The following WDR70 variants were observed in gnomAD, a reference collection of about 807,000 sequenced individuals.
The protein encoded by WDR70 is WD repeat domain 70.
A neutral mutation model predicts 88.6 loss-of-function variants in WDR70; 53 were observed. That is an observed-to-expected ratio of 0.60 (90% CI 0.48 to 0.75). WDR70 has a LOEUF of 0.75. Among genes scored for constraint, WDR70 ranks in the 30% least tolerant of loss-of-function variants. The probability of loss-of-function intolerance (pLI) is 0.00; values close to 1 mark genes in which losing one functional copy is unlikely to be tolerated. For synonymous variants in WDR70, 280 were observed against 270.0 expected, an observed-to-expected ratio of 1.04 and a Z score of -0.36; for missense variants, 610 against 823.2, an observed-to-expected ratio of 0.74 and a Z score of 3.17.
At chr5:37,418,010 A>C (rs1749815924) in intron 5 of WDR70, among the ~76,000 whole-genome samples, 1 of 152,220 alleles carries the variant, frequency 6.6e-6, no homozygotes, top group Non-Finnish European at 1.5e-5. Context: ...AAGCATTGTA[A>C]AGTGAGGAAC....
chr5:37,574,443 T>C (rs976539897), intron 9 of WDR70, among the ~76,000 whole-genome samples: 1 of 152,216 alleles, frequency 6.6e-6, no homozygotes, highest in African/African-American at 2.4e-5. Flanking sequence ...TAGTCATCAC[T>C]TCTTCTCAGT....
chr5:37,629,428 C>T (rs905263475), intron 10 of WDR70, among the ~76,000 whole-genome samples: 2 of 152,160 alleles, frequency 1.3e-5, no homozygotes, highest in African/African-American at 4.8e-5. Flanking sequence ...TATTTGCTTG[C>T]TTAATGATAT....
chr5:37,399,963 C>T (rs1161678494), intron 5 of WDR70, among the ~76,000 whole-genome samples: 1 of 152,088 alleles, frequency 6.6e-6, no homozygotes, highest in African/African-American at 2.4e-5. Flanking sequence ...GATGGAGTCT[C>T]ACTCTGTTGC....
At chr5:37,678,821 G>T (rs2112611599) in intron 10 of WDR70, among the ~76,000 whole-genome samples, 1 of 152,368 alleles carries the variant, frequency 6.6e-6, no homozygotes, top group South Asian at 2.1e-4. Flanking sequence ...ATATCCTGCA[G>T]AGTGTTTTCC....
chr5:37,565,848 T>C (rs960452701), intron 9 of WDR70, among the ~76,000 whole-genome samples: 6 of 152,118 alleles, frequency 3.9e-5, no homozygotes, highest in African/African-American at 1.4e-4. Flanking sequence ...AGTTTATAAA[T>C]AGAAGATTTG....
In WDR70 at chr5:37,443,793, A is replaced by G. The variant is rs368204101; in HGVS notation, c.686+421A>G. On this transcript the variant is annotated intron_variant, in intron 7 of 17. Coordinates refer to ENST00000265107, the MANE Select transcript of WDR70 (RefSeq NM_018034.4). ...CTCTAGCCTGAGGGGTGGAGGTTGC[A>G]GTGAGCTGAGATTGTGCCACTGCAC... Among the ~76,000 whole-genome samples the G allele has an allele frequency of 2.0e-4, 31 of 152,196 alleles. No homozygotes were observed. The East Asian group carries it at 3.9e-3, about 19-fold the overall frequency.
rs558407062 is a variant in WDR70 at position 37,724,697 on chromosome 5, T to G, written c.1598-237T>G. ...GGGAGATGGGGAGCCTCACCGATGT[T>G]TCCATGACAATATTTGACAGTATTT... is the stretch of plus-strand genomic sequence containing the variant. On this transcript the variant is annotated intron_variant, in intron 15 of 17. Transcript: ENST00000265107. 7.5e-4 allele frequency: 339 copies of G among 451,878 alleles called. 1 individual carries two copies. Among genetic ancestry groups the G allele is most frequent in the Non-Finnish European group, 1.1e-3 (288 of 253,328 alleles). 28.0% of individuals were successfully genotyped at this position (451,878 alleles called of 1,614,324 possible).
chr5:37,433,253 G>T (rs1750367530), intron 5 of WDR70, among the ~76,000 whole-genome samples: 1 of 152,066 alleles, frequency 6.6e-6, no homozygotes, highest in East Asian at 1.9e-4. Flanking sequence ...TAGAGATGGG[G>T]TTTCACCATG....
chr5:37,494,352 G>A (rs899712839), intron 8 of WDR70, among the ~76,000 whole-genome samples: 2 of 152,148 alleles, frequency 1.3e-5, no homozygotes, highest in Non-Finnish European at 2.9e-5. Flanking sequence ...GAAGTATTAC[G>A]GGCTACAAAA....
chr5:37,503,537 G>A (rs1740466518), intron 8 of WDR70, among the ~76,000 whole-genome samples: 1 of 152,260 alleles, frequency 6.6e-6, no homozygotes, highest in South Asian at 2.1e-4. Context: ...TTTTGTTTCT[G>A]TGTTAGTTTT....
At chr5:37,416,982 A>T (rs1215193249) in intron 5 of WDR70, among the ~76,000 whole-genome samples, 1 of 152,176 alleles carries the variant, frequency 6.6e-6, no homozygotes, top group Non-Finnish European at 1.5e-5. Flanking sequence ...CTCCCTTTCC[A>T]GGTAAGCTTT....
intron 7 of WDR70, among the ~76,000 whole-genome samples, chr5:37,447,777 G>C (rs961063714): frequency 6.6e-6 from 1 of 152,132 alleles, no homozygotes; most frequent in African/African-American, 2.4e-5. Context: ...TCACACACCG[G>C]GGCCTGTCAT....
chr5:37,505,373 A>G (rs1561879021), intron 8 of WDR70, among the ~76,000 whole-genome samples: 1 of 152,198 alleles, frequency 6.6e-6, no homozygotes, highest in Non-Finnish European at 1.5e-5. Flanking sequence ...TAGTGTAAAT[A>G]GATAGAATTG....
intron 9 of WDR70, among the ~76,000 whole-genome samples, chr5:37,532,580 C>T (rs925113266): frequency 7.2e-5 from 11 of 151,998 alleles, no homozygotes; most frequent in African/African-American, 2.4e-4. Flanking sequence ...TTTTGCATTT[C>T]TCTGAGTGTG....
At chr5:37,694,915 C>T (rs1324860632) in intron 10 of WDR70, among the ~76,000 whole-genome samples, 1 of 152,090 alleles carries the variant, frequency 6.6e-6, no homozygotes, top group Non-Finnish European at 1.5e-5. Context: ...TAGCAACTCC[C>T]TTTTGCCTTC....
intron 4 of WDR70, among the ~76,000 whole-genome samples, chr5:37,392,624 G>A (rs776160482): frequency 6.6e-6 from 1 of 152,114 alleles, no homozygotes; most frequent in Non-Finnish European, 1.5e-5. Flanking sequence ...GATAACAGGT[G>A]TCAGCTACTG....
intron 11 of WDR70, among the ~76,000 whole-genome samples, chr5:37,700,683 T>A (rs1433502601): frequency 6.6e-6 from 1 of 152,206 alleles, no homozygotes; most frequent in Non-Finnish European, 1.5e-5. Flanking sequence ...AGAAGTAACG[T>A]ATGCTCAAAT....
intron 9 of WDR70, among the ~76,000 whole-genome samples, chr5:37,555,468 A>G (rs1341094675): frequency 6.6e-6 from 1 of 152,186 alleles, no homozygotes; most frequent in African/African-American, 2.4e-5. Flanking sequence ...AAGCAGTATA[A>G]CAACATTGCA....
At chr5:37,480,226 C>T (rs1326676007) in intron 8 of WDR70, among the ~76,000 whole-genome samples, 1 of 152,146 alleles carries the variant, frequency 6.6e-6, no homozygotes, top group African/African-American at 2.4e-5. Flanking sequence ...GTGTCCTGCT[C>T]CATGGCATCT....
Sources: gnomAD v4.1 joint callset for allele counts (sites outside exome capture counted in the v4.1 genomes callset) on GRCh38, gnomAD v4.1.1 for gene constraint, MANE v1.5 for transcripts, NCBI Gene and HGNC (gene_info 2026-07-23, HGNC 2026-07-21) for gene names.